The following THADA variants were observed in gnomAD, a reference collection of about 807,000 sequenced individuals.
The protein encoded by THADA is THADA armadillo repeat containing.
A neutral mutation model predicts 219.8 loss-of-function variants in THADA; 213 were observed. The observed-to-expected ratio is 0.97, with a 90% CI of 0.87 to 1.09. The LOEUF is 1.09. Ranked by LOEUF, THADA falls within the 50% of genes least tolerant of loss-of-function variation. THADA has a pLI of 0.00. For missense variants in THADA, 2,956 were observed against 2,311.3 expected (o/e 1.28, Z -5.72); for synonymous variants, 1,018 against 828.9 (o/e 1.23, Z -3.92).
chr2:43,448,072 A>G (rs934868062), intron 26 of THADA, among the ~76,000 whole-genome samples: 3 of 152,234 alleles, frequency 2.0e-5, no homozygotes, highest in African/African-American at 7.2e-5. Context: ...TTTCAAATAT[A>G]ATGCCAATTT....
chr2:43,542,717 T>A (rs145803089), intron 20 of THADA, among the ~76,000 whole-genome samples: 1,559 of 152,318 alleles, frequency 0.01, 30 homozygotes, highest in African/African-American at 0.035. Context: ...AGTTGATTGC[T>A]GCCCAAACCC....
At chr2:43,304,158 C>G (rs1205931382) in intron 31 of THADA, among the ~76,000 whole-genome samples, 1 of 152,152 alleles carries the variant, frequency 6.6e-6, no homozygotes. Context: ...CTGGCCTTCA[C>G]TCTTACGTCA....
At chr2:43,257,958 G>C (rs1461583242) in intron 36 of THADA, among the ~76,000 whole-genome samples, 1 of 152,118 alleles carries the variant, frequency 6.6e-6, no homozygotes, top group Non-Finnish European at 1.5e-5. Context: ...AGAAAAGCAG[G>C]AGTTGGGGAT....
chr2:43,235,103 CTGAG>C (rs2104017925), intron 36 of THADA, among the ~76,000 whole-genome samples: 1 of 152,030 alleles, frequency 6.6e-6, no homozygotes, highest in African/African-American at 2.4e-5. Flanking sequence ...CCTCGGCCTC[CTGAG>C]TAACTGGGAT....
At chr2:43,382,252 C>A (rs1439421637) in intron 29 of THADA, among the ~76,000 whole-genome samples, 2 of 152,124 alleles carry the variant, frequency 1.3e-5, no homozygotes, top group Non-Finnish European at 1.5e-5. Flanking sequence ...CAGTAATGTA[C>A]CAATTTCTTC....
At chr2:43,571,591 G>A (rs1699306882) in intron 13 of THADA, 116 bp downstream of exon 13, 1 of 949,492 alleles carries the variant, frequency 1.1e-6, no homozygotes, top group Non-Finnish European at 1.6e-6. Context: ...ATGAACAGAT[G>A]TGGTAGCCCA....
At chr2:43,426,242 T>C (rs867877241) in intron 28 of THADA, among the ~76,000 whole-genome samples, 9 of 152,222 alleles carry the variant, frequency 5.9e-5, no homozygotes, top group African/African-American at 1.7e-4. Context: ...TTTGGAAAGG[T>C]ACTTTCAGGT....
At chr2:43,397,659 C>T (rs982613606) in intron 29 of THADA, among the ~76,000 whole-genome samples, 4 of 151,574 alleles carry the variant, frequency 2.6e-5, no homozygotes, top group African/African-American at 9.7e-5. Flanking sequence ...GTTTTGCAGG[C>T]ATACTTGATG....
At chr2:43,390,833 T>C (rs1003833859) in intron 29 of THADA, among the ~76,000 whole-genome samples, 1 of 152,120 alleles carries the variant, frequency 6.6e-6, no homozygotes, top group African/African-American at 2.4e-5. Context: ...CAATTAGCAG[T>C]TGTCGAATGA....
intron 20 of THADA, among the ~76,000 whole-genome samples, 173 bp downstream of exon 20, chr2:43,549,037 T>C (rs1432585005): frequency 1.3e-5 from 2 of 152,222 alleles, no homozygotes; most frequent in Non-Finnish European, 2.9e-5. Flanking sequence ...AAAAGTCTTA[T>C]AAATCCATTC....
intron 22 of THADA, among the ~76,000 whole-genome samples, chr2:43,514,980 CA>C (rs1448725150): frequency 3.2e-5 from 1 of 31,106 alleles, no homozygotes; most frequent in Non-Finnish European, 5.7e-5. Flanking sequence ...TAATATATAA[CA>C]TTTTATATAT....
chr2:43,572,798 A>G lies in THADA; in HGVS notation c.1908+16T>C. 2 of 1,611,536 alleles carry G rather than the reference A, an allele frequency of 1.2e-6. No individual in the cohort carries two copies. The highest frequency in any genetic ancestry group is 1.7e-6 in the Non-Finnish European group (2 of 1,178,628). On this transcript the variant is annotated intron_variant, in intron 12 of 37. Coordinates refer to ENST00000405975, the MANE Select transcript of THADA (RefSeq NM_022065.5). ...ATCTACTGCATGTACAAATCCAGGT[A>G]ATTTTCTTTACTTACTTGGCAATGC...
At chr2:43,535,878 T>C (rs1312619454) in intron 21 of THADA, among the ~76,000 whole-genome samples, 2 of 151,932 alleles carry the variant, frequency 1.3e-5, no homozygotes, top group Admixed American at 6.6e-5. Flanking sequence ...TGGAGTGCAG[T>C]GGTGCGATCT....
chr2:43,486,566 T>C (rs1573894014), intron 25 of THADA: 1 of 152,162 alleles, frequency 6.6e-6, no homozygotes, highest in Admixed American at 6.5e-5. Flanking sequence ...GTGTGTTAAA[T>C]AGCAATATAA....
chr2:43,521,376 G>A (rs1440008411), intron 22 of THADA, among the ~76,000 whole-genome samples: 1 of 152,102 alleles, frequency 6.6e-6, no homozygotes, highest in Non-Finnish European at 1.5e-5. Flanking sequence ...CCAACATGGC[G>A]AAACCCAGTC....
At position 43,378,085 on chromosome 2, in the gene THADA, A is replaced by C. The variant is rs145748633; in HGVS notation, c.4227+19886T>G. ...TGGGCATTTAAGAAAAAATTAATAGAAAACAATCAAAGAGATAATGAAAAG... is the reference window on the plus strand; with the variant it reads ...TGGGCATTTAAGAAAAAATTAATAGCAAACAATCAAAGAGATAATGAAAAG... On this transcript the variant is annotated intron_variant, in intron 29 of 37. Transcript: ENST00000405975. Among the ~76,000 whole-genome samples, 998 of 152,326 alleles carry C rather than the reference A, an allele frequency of 6.6e-3. 6 individuals carry two copies. Among genetic ancestry groups the C allele is most frequent in the Non-Finnish European group, 8.7e-3 (589 of 68,028 alleles).
intron 20 of THADA, among the ~76,000 whole-genome samples, chr2:43,546,144 T>C (rs1238735941): frequency 6.6e-5 from 10 of 151,474 alleles, no homozygotes; most frequent in Non-Finnish European, 1.5e-4. Flanking sequence ...CAGTAGTCAT[T>C]CAGGAGCAGG....
chr2:43,361,446 C>T (rs553233817), intron 29 of THADA, among the ~76,000 whole-genome samples: 16 of 152,220 alleles, frequency 1.1e-4, no homozygotes, highest in Non-Finnish European at 2.2e-4. Flanking sequence ...GTGCAACTGA[C>T]GGCATCTCTC....
chr2:43,501,911 T>C (rs1412810105), intron 24 of THADA, among the ~76,000 whole-genome samples: 1 of 152,162 alleles, frequency 6.6e-6, no homozygotes, highest in East Asian at 1.9e-4. Flanking sequence ...ACCACTGCAC[T>C]CCAGCCTGGG....
Sources: allele counts gnomAD v4.1 joint callset (sites outside exome capture counted in the v4.1 genomes callset), GRCh38; gene constraint gnomAD v4.1.1; transcripts MANE v1.5; gene names NCBI Gene and HGNC (gene_info 2026-07-23, HGNC 2026-07-21).